The following P4HA1 variants were observed in gnomAD, a reference collection of about 807,000 sequenced individuals.
P4HA1 encodes the protein prolyl 4-hydroxylase subunit alpha 1.
P4HA1 carries 24 observed loss-of-function variants against 72.8 expected under a neutral mutation model. The observed-to-expected ratio is 0.33, with a 90% CI of 0.24 to 0.46. The LOEUF (loss-of-function observed/expected upper bound fraction) is 0.46. P4HA1 is among the 20% of genes least tolerant of loss of function. The pLI is 1.00. For synonymous variants in P4HA1, 201 were observed against 218.8 expected, an observed-to-expected ratio of 0.92 and a Z score of 0.72; for missense variants, 446 against 640.6, an observed-to-expected ratio of 0.70 and a Z score of 3.28.
rs548856710 is a variant in P4HA1 at position 73,053,990 on chromosome 10, C to A, written c.464-400G>T. ...GGAATGCAATGGCACAATCTCAGCT[C>A]ACCACAACCTCCGCCTCCCAGGTTC... On this transcript the variant is annotated intron_variant, in intron 5 of 14. Coordinates refer to ENST00000394890, the MANE Select transcript of P4HA1 (RefSeq NM_001017962.3). Among the ~76,000 whole-genome samples, 3 of 151,988 alleles carry A rather than the reference C, an allele frequency of 2.0e-5. No homozygotes were observed. The South Asian group carries it at 6.2e-4, about 32-fold the overall frequency.
In P4HA1 at chr10:73,024,154, CAG is replaced by C. The variant is rs771736586; in HGVS notation, c.1248+6115_1248+6116del. 7.2e-5 allele frequency among the ~76,000 whole-genome samples: 11 copies of C among 152,308 alleles called. No homozygotes were observed. The East Asian group carries it at 1.9e-3, about 27-fold the overall frequency. ...AGCAGACCATTATAATAGACATCTA[CAG>C]AACTCTGTCCACCCCAAATCAACAG... On this transcript the variant is annotated intron_variant, in intron 10 of 14. Transcript: ENST00000394890.
chr10:73,059,348 G>A lies in P4HA1; in HGVS notation c.464-5758C>T, dbSNP rs1233534448. On this transcript the variant is annotated intron_variant, in intron 5 of 14. Transcript: ENST00000394890. ...CTAGAGCCTGTAATCCTGACACTTC[G>A]GGAGGCCAAGGCAGGAAGATCTCCT... 4.7e-5 allele frequency among the ~76,000 whole-genome samples: 7 copies of A among 147,672 alleles called. No individual in the cohort carries two copies. The South Asian group carries it at 6.3e-4, about 13-fold the overall frequency.
chr10:73,048,706 C>T (rs1007039229), intron 7 of P4HA1, among the ~76,000 whole-genome samples: 1 of 151,984 alleles, frequency 6.6e-6, no homozygotes, highest in Non-Finnish European at 1.5e-5. Flanking sequence ...CTGCTTACTG[C>T]GGAAATTTGA....
rs746521204 is a variant in P4HA1 at position 73,073,748 on chromosome 10, C to T, written c.156G>A (p.Lys52=). 3.9e-6 allele frequency: 6 copies of T among 1,525,228 alleles called. No homozygotes were observed. Among genetic ancestry groups the T allele is most frequent in the East Asian group, 2.3e-5 (1 of 44,362 alleles). The allele number at this position is 1,525,228 out of a possible 1,614,324, so 94.5% of individuals were successfully genotyped here. A position where few individuals can be genotyped will look rare whatever the true frequency, so the allele number is the denominator to read the frequency against. The part of the protein sequence containing the change: ...LKDYIKAEED[K]LEQIKKWAEK... ...TTGCTTACTTTTTTATTTGTTCTAA[C>T]TTGTCCTCTTCTGCCTTAATATAAT... Residue 52 remains lysine, a synonymous_variant, in exon 3 of 15, where the codon AAG becomes AAA. Transcript: ENST00000394890.
At chr10:73,085,542 C>A (rs912233875) in intron 1 of P4HA1, among the ~76,000 whole-genome samples, 4 of 152,060 alleles carry the variant, frequency 2.6e-5, no homozygotes, top group Admixed American at 2.0e-4. Context: ...TGCCACCACG[C>A]CTGGCTAATT....
intron 8 of P4HA1, among the ~76,000 whole-genome samples, chr10:73,046,209 C>T (rs1012786260): frequency 6.6e-6 from 1 of 152,130 alleles, no homozygotes; most frequent in Non-Finnish European, 1.5e-5. Context: ...CTGTGTAAGA[C>T]AGCAAAGCAT....
intron 1 of P4HA1, among the ~76,000 whole-genome samples, chr10:73,089,413 C>A (rs1841982564): frequency 6.6e-6 from 1 of 152,002 alleles, no homozygotes; most frequent in South Asian, 2.1e-4. Flanking sequence ...TGAAGACAAG[C>A]CAACAACTGG....
chr10:73,045,039 T>C lies in P4HA1; in HGVS notation c.1090A>G (p.Thr364Ala). 6.2e-7 allele frequency: 1 copy of C among 1,613,612 alleles called. No homozygotes were observed. Among genetic ancestry groups the C allele is most frequent in the Non-Finnish European group, 8.5e-7 (1 of 1,179,644 alleles). The stretch of plus-strand genomic sequence containing the variant: ...TCTCCTGTTATTGGGTTTGAAATGG[T>C]GGCTCGCCTCAGCTGTGAAGCCAAC... ...DLAKPRLRRATISNPITGDLE... is the reference protein window; with the variant it reads ...DLAKPRLRRAAISNPITGDLE... Residue 364 changes from threonine (T) to alanine (A), a missense_variant, in exon 9 of 15, where the codon ACC (threonine) becomes GCC (alanine). Thr to Ala is a moderately conservative substitution (Grantham distance 58). Coordinates refer to ENST00000394890, the MANE Select transcript of P4HA1 (RefSeq NM_001017962.3).
chr10:73,043,136 A>C (rs1439289804), intron 9 of P4HA1, among the ~76,000 whole-genome samples: 1 of 152,210 alleles, frequency 6.6e-6, no homozygotes, highest in Non-Finnish European at 1.5e-5. Flanking sequence ...TTGTTAATCT[A>C]AATAACATGA....
At chr10:73,045,497 G>C (rs951417834) in intron 8 of P4HA1, among the ~76,000 whole-genome samples, 2 of 151,882 alleles carry the variant, frequency 1.3e-5, no homozygotes, top group Non-Finnish European at 2.9e-5. Context: ...TGTTTGCACA[G>C]GTTAATGTTT....
Position 73,008,115 on chromosome 10 carries a change from A to G in P4HA1, c.*107T>C, listed in dbSNP as rs1804257. Reference sequence around the variant, plus strand: ...ATGGGATGAGGTTCATGACTGAATCAATCATGGAGTGTTAGTCAATTGTAA... The same window carrying G: ...ATGGGATGAGGTTCATGACTGAATCGATCATGGAGTGTTAGTCAATTGTAA... On this transcript the variant is annotated 3_prime_UTR_variant, in exon 15 of 15. Transcript: ENST00000394890. 4.7e-6 allele frequency: 3 copies of G among 641,346 alleles called. No individual in the cohort carries two copies. The highest frequency in any genetic ancestry group is 8.5e-6 in the Non-Finnish European group (3 of 354,774). 39.7% of individuals were successfully genotyped at this position (641,346 alleles called of 1,614,324 possible).
At chr10:73,017,953 G>A (rs1435750512) in intron 10 of P4HA1, among the ~76,000 whole-genome samples, 1 of 151,940 alleles carries the variant, frequency 6.6e-6, no homozygotes, top group Non-Finnish European at 1.5e-5. Flanking sequence ...GGAGAATACT[G>A]GTGGAACTGG....
At chr10:73,091,135 C>A (rs996975129) in intron 1 of P4HA1, among the ~76,000 whole-genome samples, 1 of 147,768 alleles carries the variant, frequency 6.8e-6, no homozygotes, top group African/African-American at 2.5e-5. Flanking sequence ...CTTCATGTAA[C>A]CTTTGACTAT....
chr10:73,052,222 C>T lies in P4HA1; in HGVS notation c.704-973G>A, dbSNP rs549327655. On this transcript the variant is annotated intron_variant, in intron 6 of 14. Coordinates refer to ENST00000394890, the MANE Select transcript of P4HA1 (RefSeq NM_001017962.3). ...AAAAAAAACTAAAGAACCACACACA[C>T]ATAAAAATAAAAAGGCAGAAGAATA... Among the ~76,000 whole-genome samples the T allele has an allele frequency of 4.6e-5, 7 of 151,230 alleles. No individual in the cohort carries two copies. In the East Asian group the frequency reaches 1.4e-3, roughly 29 times the overall value.
intron 1 of P4HA1, among the ~76,000 whole-genome samples, chr10:73,093,860 A>AATT (rs1564640866): frequency 2.9e-5 from 2 of 69,056 alleles, no homozygotes; most frequent in African/African-American, 1.5e-4. Context: ...AAAAAAAAAA[A>AATT]AAAAAAAAAA....
intron 5 of P4HA1, among the ~76,000 whole-genome samples, chr10:73,060,476 A>T (rs1564631739): frequency 6.6e-6 from 1 of 152,092 alleles, no homozygotes; most frequent in Non-Finnish European, 1.5e-5. Flanking sequence ...AGAAGGCTGA[A>T]GCAGGAAGAT....
At chr10:73,044,702 C>G (rs1377769386) in intron 9 of P4HA1, among the ~76,000 whole-genome samples, 1 of 152,068 alleles carries the variant, frequency 6.6e-6, no homozygotes. Context: ...AAGTATCAGG[C>G]CACTTCCTGG....
intron 1 of P4HA1, among the ~76,000 whole-genome samples, chr10:73,094,517 C>A (rs373764046): frequency 1.3e-5 from 2 of 152,140 alleles, no homozygotes; most frequent in Admixed American, 6.5e-5. Context: ...AGTTTGAGAA[C>A]CACTATTATG....
At chr10:73,031,167 G>T (rs1224165424) in intron 9 of P4HA1, among the ~76,000 whole-genome samples, 6 of 152,104 alleles carry the variant, frequency 3.9e-5, no homozygotes, top group Admixed American at 2.0e-4. Flanking sequence ...CTATAAACTG[G>T]AATATTATTG....
Sources: allele counts gnomAD v4.1 joint callset (sites outside exome capture counted in the v4.1 genomes callset), GRCh38; gene constraint gnomAD v4.1.1; transcripts MANE v1.5; gene names NCBI Gene and HGNC (gene_info 2026-07-23, HGNC 2026-07-21).